The following POU2AF1 variants were observed in gnomAD, a reference collection of about 807,000 sequenced individuals.
POU2AF1 encodes the protein POU domain class 2-associating factor 1.
Under a neutral mutation model 26.3 loss-of-function variants are expected in POU2AF1, and 12 were observed. That is an observed-to-expected ratio of 0.46 (90% confidence interval 0.29 to 0.74). The LOEUF (loss-of-function observed/expected upper bound fraction) is 0.74, where lower values mean the gene tolerates loss of function less well. Ranked by LOEUF, POU2AF1 falls within the 30% of genes least tolerant of loss-of-function variation. The pLI is 0.09. For synonymous variants in POU2AF1, 175 were observed against 148.0 expected, an observed-to-expected ratio of 1.18 and a Z score of -1.32; for missense variants, 297 against 334.5, an observed-to-expected ratio of 0.89 and a Z score of 0.87.
At chr11:111,366,878 G>A (rs1401121908) in intron 1 of POU2AF1, among the ~76,000 whole-genome samples, 3 of 152,142 alleles carry the variant, frequency 2.0e-5, no homozygotes, top group Non-Finnish European at 4.4e-5. Context: ...AACAGGAAAT[G>A]GACCCCCAGG....
chr11:111,373,180 C>A (rs548027666), intron 1 of POU2AF1, among the ~76,000 whole-genome samples: 1 of 152,346 alleles, frequency 6.6e-6, no homozygotes, highest in South Asian at 2.1e-4. Context: ...ACTGATCCAA[C>A]AGAACATTTT....
chr11:111,362,327 A>T lies in POU2AF1; in HGVS notation c.17-3409T>A, dbSNP rs373256041. Reference sequence around the variant, plus strand: ...TTTGTGTTATAAACAATCCAATTATACTTTTAGTTATTTTTAAGTGTACCA... The same window carrying T: ...TTTGTGTTATAAACAATCCAATTATTCTTTTAGTTATTTTTAAGTGTACCA... On this transcript the variant is annotated intron_variant, in intron 1 of 4. Coordinates refer to ENST00000393067, the MANE Select transcript of POU2AF1 (RefSeq NM_006235.3). 2.0e-5 allele frequency among the ~76,000 whole-genome samples: 3 copies of T among 152,220 alleles called. No individual in the cohort carries two copies. The South Asian group carries it at 6.2e-4, about 31-fold the overall frequency.
chr11:111,357,317 G>A lies in POU2AF1; in HGVS notation c.456+128C>T, dbSNP rs1324410179. On this transcript the variant is annotated intron_variant, in intron 4 of 4. Coordinates refer to ENST00000393067, the MANE Select transcript of POU2AF1 (RefSeq NM_006235.3). ...CAGAGCAGGCCTCCATGGAGACCAAGGCGAGCTCTGATGACCTGATTATCT... is the reference window on the plus strand; with the variant it reads ...CAGAGCAGGCCTCCATGGAGACCAAAGCGAGCTCTGATGACCTGATTATCT... 4 of 1,349,022 alleles carry A rather than the reference G, an allele frequency of 3.0e-6. No individual in the cohort carries two copies. In the East Asian group the frequency reaches 9.3e-5, roughly 32 times the overall value. 83.6% of individuals were successfully genotyped at this position (1,349,022 alleles called of 1,614,324 possible).
chr11:111,354,278 A>G lies in POU2AF1; in HGVS notation c.754T>C (p.Ser252Pro), dbSNP rs747708850. 3 of 1,614,140 alleles carry G rather than the reference A, an allele frequency of 1.9e-6. No individual in the cohort carries two copies. In the Admixed American group the frequency reaches 5.0e-5, roughly 27 times the overall value. Residue 252 changes from serine (S) to proline (P), a missense_variant, in exon 5 of 5, where the codon TCT becomes CCT. Coordinates refer to ENST00000393067, the MANE Select transcript of POU2AF1 (RefSeq NM_006235.3). Reference sequence around the variant, plus strand: ...AGCCACGCCTAAAAGCCTTCCACAGAGAGAGTGTGGTTAAGCGCATAGGCG... The same window carrying G: ...AGCCACGCCTAAAAGCCTTCCACAGGGAGAGTGTGGTTAAGCGCATAGGCG... ...SDAYALNHTL[S>P]VEGF
intron 2 of POU2AF1, among the ~76,000 whole-genome samples, chr11:111,358,440 T>TCTCACACA (rs1339094994): frequency 4.6e-4 from 22 of 47,668 alleles, no homozygotes; most frequent in Middle Eastern, 0.016. Flanking sequence ...TCACACTCAC[T>TCTCACACA]CTCACACACA....
intron 1 of POU2AF1, chr11:111,363,314 A>G: frequency 9.7e-7 from 1 of 1,025,972 alleles, no homozygotes; most frequent in African/African-American, 1.7e-5. Flanking sequence ...TGCTTCTCAT[A>G]GTGACTTTGC....
chr11:111,358,366 A>ACTCT (rs1473451053), intron 2 of POU2AF1, among the ~76,000 whole-genome samples: 1 of 106,154 alleles, frequency 9.4e-6, no homozygotes, highest in Non-Finnish European at 2.1e-5. Flanking sequence ...ACTCTCACAC[A>ACTCT]CTCACACACT....
At chr11:111,379,102 G>A in intron 1 of POU2AF1, 60 bp downstream of exon 1, 1 of 1,608,144 alleles carries the variant, frequency 6.2e-7, no homozygotes, top group South Asian at 1.1e-5. Context: ...AGACCAAGCT[G>A]TGATCGCCCT....
chr11:111,363,707 AATAAG>A, intron 1 of POU2AF1: 1 of 544,958 alleles, frequency 1.8e-6, no homozygotes. Flanking sequence ...AGATTGAAAT[AATAAG>A]ATATCAGCAG....
At position 111,358,888 on chromosome 11, in the gene POU2AF1, G is replaced by T; in HGVS notation, c.47C>A (p.Ala16Asp). Residue 16 changes from alanine to aspartate, a missense_variant, in exon 2 of 5, where the codon GCC becomes GAC. Physicochemically the swap from Ala to Asp is moderately radical, Grantham distance 126. Transcript: ENST00000393067. ...PTAPEQAPAP[A>D]RPYQGVRVKE... is the part of the protein sequence containing the mutation. Reference sequence around the variant, plus strand: ...CACACGGACGCCCTGGTATGGCCGGGCCGGGGCTGGGGCTTGCTCCGGAGC... The same window carrying T: ...CACACGGACGCCCTGGTATGGCCGGTCCGGGGCTGGGGCTTGCTCCGGAGC... The T allele has an allele frequency of 1.2e-6, 2 of 1,607,436 alleles. No homozygotes were observed. Among genetic ancestry groups the T allele is most frequent in the Non-Finnish European group, 1.7e-6 (2 of 1,179,922 alleles).
chr11:111,364,459 T>G (rs986133464), intron 1 of POU2AF1, among the ~76,000 whole-genome samples: 1 of 152,200 alleles, frequency 6.6e-6, no homozygotes, highest in African/African-American at 2.4e-5. Context: ...GAGCTGCTCA[T>G]CTAAGGAGCT....
intron 2 of POU2AF1, among the ~76,000 whole-genome samples, chr11:111,358,514 A>G (rs1467844019): frequency 6.9e-6 from 1 of 144,258 alleles, no homozygotes; most frequent in Non-Finnish European, 1.5e-5. Context: ...TCACACTATC[A>G]CACACTCACA....
In POU2AF1 at chr11:111,358,779, A is replaced by C; in HGVS notation, c.147+9T>G. 1.3e-6 allele frequency: 2 copies of C among 1,573,528 alleles called. No individual in the cohort carries two copies. Among genetic ancestry groups the C allele is most frequent in the Non-Finnish European group, 1.7e-6 (2 of 1,163,978 alleles). On this transcript the variant is annotated intron_variant, in intron 2 of 4. Transcript: ENST00000393067. Reference sequence around the variant, plus strand: ...ACACACTCACACTCTCACACACACAAACTCTCACCGCCGTAGGTGCAGGTG... The same window carrying C: ...ACACACTCACACTCTCACACACACACACTCTCACCGCCGTAGGTGCAGGTG...
intron 2 of POU2AF1, among the ~76,000 whole-genome samples, chr11:111,358,358 TCTCACACA>T (rs58023154): frequency 1.9e-5 from 2 of 105,822 alleles, no homozygotes; most frequent in Admixed American, 1.1e-4. Context: ...ACACTCACAC[TCTCACACA>T]CTCACACACT....
intron 4 of POU2AF1, among the ~76,000 whole-genome samples, chr11:111,355,287 A>C (rs747769145): frequency 1.6e-4 from 25 of 152,182 alleles, no homozygotes; most frequent in Non-Finnish European, 3.2e-4. Context: ...GGCACCCCCC[A>C]TGACCCTCCA....
intron 1 of POU2AF1, chr11:111,377,655 G>C (rs1238627632): frequency 5.9e-6 from 1 of 170,628 alleles, no homozygotes; most frequent in Non-Finnish European, 1.3e-5. Context: ...CTTGCTCATA[G>C]AAGGTAGGAG....
intron 1 of POU2AF1, among the ~76,000 whole-genome samples, chr11:111,366,594 C>CTA (rs1861109333): frequency 6.6e-6 from 1 of 152,140 alleles, no homozygotes; most frequent in Non-Finnish European, 1.5e-5. Flanking sequence ...TTCTAAAAGA[C>CTA]TATTCCTTCC....
At chr11:111,358,455 C>G (rs1413786456) in intron 2 of POU2AF1, among the ~76,000 whole-genome samples, 2 of 150,090 alleles carry the variant, frequency 1.3e-5, no homozygotes, top group Non-Finnish European at 3.0e-5. Flanking sequence ...CACACACACA[C>G]TCTCTCACAC....
At position 111,371,471 on chromosome 11, in the gene POU2AF1, C is replaced by T. The variant is rs565438107; in HGVS notation, c.16+7691G>A. ...CCAGTCAGTACAAGTCTTGCCGCCA[C>T]CCTACCTTACAAGGTCGGTAGGAAA... On this transcript the variant is annotated intron_variant, in intron 1 of 4. Transcript: ENST00000393067. Among the ~76,000 whole-genome samples, 8 of 152,178 alleles carry T rather than the reference C, an allele frequency of 5.3e-5. No homozygotes were observed. In the South Asian group the frequency reaches 1.7e-3, roughly 32 times the overall value.
Sources: allele counts gnomAD v4.1 joint callset (sites outside exome capture counted in the v4.1 genomes callset), GRCh38; gene constraint gnomAD v4.1.1; transcripts MANE v1.5; gene names NCBI Gene and HGNC (gene_info 2026-07-23, HGNC 2026-07-21).